The following PCLO variants were observed in gnomAD, a reference collection of about 807,000 sequenced individuals.
The protein encoded by PCLO is piccolo presynaptic cytomatrix protein, also known as protein piccolo.
A neutral mutation model predicts 427.5 loss-of-function variants in PCLO; 82 were observed. The ratio of observed to expected loss-of-function variants is 0.19; its 90% CI spans 0.16 to 0.23. PCLO has a LOEUF of 0.23. Among genes scored for constraint, PCLO ranks in the 10% least tolerant of loss-of-function variants. PCLO has a pLI of 1.00. For synonymous variants in PCLO, 2,357 were observed against 2,155.4 expected, an observed-to-expected ratio of 1.09 and a Z score of -2.59; for missense variants, 6,239 against 6,115.9, an observed-to-expected ratio of 1.02 and a Z score of -0.67.
intron 3 of PCLO, among the ~76,000 whole-genome samples, chr7:83,093,477 G>GATATATAT (rs766623004): frequency 4.8e-4 from 44 of 92,164 alleles, no homozygotes; most frequent in African/African-American, 1.8e-3. Context: ...TGTGTGTATA[G>GATATATAT]ATATATATAT....
chr7:83,022,408 G>A (rs1460473626), intron 3 of PCLO, among the ~76,000 whole-genome samples: 1 of 152,130 alleles, frequency 6.6e-6, no homozygotes, highest in Non-Finnish European at 1.5e-5. Flanking sequence ...CAAAAGTAAA[G>A]TGACTTAAGC....
intron 10 of PCLO, among the ~76,000 whole-genome samples, chr7:82,852,566 C>A (rs577821009): frequency 6.6e-6 from 1 of 152,036 alleles, no homozygotes; most frequent in Non-Finnish European, 1.5e-5. Context: ...GACTCTTGGG[C>A]CTTTGGGCAC....
intron 3 of PCLO, among the ~76,000 whole-genome samples, chr7:83,004,171 G>T (rs1249828702): frequency 6.6e-6 from 1 of 151,692 alleles, no homozygotes; most frequent in Non-Finnish European, 1.5e-5. Flanking sequence ...CCTAACATTT[G>T]TACGGAACCA....
chr7:82,814,524 TA>T (rs915744355), intron 20 of PCLO, among the ~76,000 whole-genome samples: 13 of 151,136 alleles, frequency 8.6e-5, no homozygotes, highest in African/African-American at 2.9e-4. Context: ...TTAATATACT[TA>T]AATGTTTAAG....
At chr7:83,132,895 T>A (rs983742674) in intron 3 of PCLO, among the ~76,000 whole-genome samples, 3 of 151,550 alleles carry the variant, frequency 2.0e-5, no homozygotes, top group African/African-American at 7.3e-5. Flanking sequence ...TCTAAAAGTG[T>A]TTTTTTTAAG....
chr7:83,095,211 G>GTTT (rs200062207), intron 3 of PCLO, among the ~76,000 whole-genome samples: 1 of 151,768 alleles, frequency 6.6e-6, no homozygotes, highest in African/African-American at 2.4e-5. Flanking sequence ...TTGAGGAATC[G>GTTT]TTTTTTTCTA....
chr7:82,834,417 A>C (rs1792174364), intron 16 of PCLO, among the ~76,000 whole-genome samples: 1 of 152,310 alleles, frequency 6.6e-6, no homozygotes, highest in Non-Finnish European at 1.5e-5. Context: ...GGAAACAAAA[A>C]GTTTCTGGGC....
intron 2 of PCLO, among the ~76,000 whole-genome samples, chr7:83,144,763 C>T (rs1007824356): frequency 7.6e-6 from 1 of 131,544 alleles, no homozygotes; most frequent in African/African-American, 2.8e-5. Flanking sequence ...AAGTTAAAAA[C>T]TTTAAATAAA....
Position 82,965,948 on chromosome 7 carries a change from C to T in PCLO, c.3840G>A (p.Val1280=). The T allele has an allele frequency of 6.2e-7, 1 of 1,613,910 alleles. No individual in the cohort carries two copies. The change falls in exon 4 of 25, where the codon GTG becomes GTA. Residue 1280 remains valine, a synonymous_variant. Coordinates refer to ENST00000333891, the MANE Select transcript of PCLO (RefSeq NM_033026.6). ...TCCCTTCTTGCACTGTCTTTGGAGCCACTCTGCCTTCAAGCTTTTCTTCAG... is the reference window on the plus strand; with the variant it reads ...TCCCTTCTTGCACTGTCTTTGGAGCTACTCTGCCTTCAAGCTTTTCTTCAG... ...QIAEEKLEGR[V]APKTVQEGKQ... is the part of the protein sequence containing the mutation.
chr7:82,916,373 T>C lies in PCLO; in HGVS notation c.11613A>G (p.Gln3871=). ...QTEFSQFIPP[Q]TQTESQLVPP... is the part of the protein sequence containing the mutation. ...GAACTAGTTGAGATTCTGTTTGGGT[T>C]TGTGGTGGTATAAACTGGCTGAATT... The change falls in exon 7 of 25, where the codon CAA becomes CAG. Residue 3871 remains glutamine, a synonymous_variant. Transcript: ENST00000333891. The C allele has an allele frequency of 1.2e-6, 2 of 1,613,620 alleles. No individual in the cohort carries two copies. Among genetic ancestry groups the C allele is most frequent in the Non-Finnish European group, 1.7e-6 (2 of 1,179,708 alleles).
intron 16 of PCLO, 78 bp downstream of exon 16, chr7:82,835,589 T>G: frequency 9.4e-7 from 1 of 1,063,510 alleles, no homozygotes; most frequent in Non-Finnish European, 1.4e-6. Context: ...GAAGTGCCAG[T>G]GAATGTACAT....
At chr7:82,836,712 T>TA (rs1211391837) in intron 15 of PCLO, among the ~76,000 whole-genome samples, 2 of 152,086 alleles carry the variant, frequency 1.3e-5, no homozygotes, top group African/African-American at 4.8e-5. Context: ...CCTGACAAGC[T>TA]AAAAATGATG....
intron 3 of PCLO, among the ~76,000 whole-genome samples, chr7:83,003,121 A>AT (rs1562912175): frequency 2.0e-5 from 3 of 151,270 alleles, no homozygotes; most frequent in African/African-American, 7.3e-5. Context: ...CCTATATTTT[A>AT]TATTTTATCT....
intron 20 of PCLO, among the ~76,000 whole-genome samples, chr7:82,815,932 C>T (rs1791669234): frequency 6.6e-6 from 1 of 152,080 alleles, no homozygotes; most frequent in African/African-American, 2.4e-5. Context: ...CATTCCTATT[C>T]ACACATCTAC....
At chr7:83,026,090 AT>A (rs1195045733) in intron 3 of PCLO, among the ~76,000 whole-genome samples, 1 of 152,136 alleles carries the variant, frequency 6.6e-6, no homozygotes, top group African/African-American at 2.4e-5. Context: ...ACAGGATCAA[AT>A]TCACACATAA....
At chr7:82,852,641 C>T (rs1049338468) in intron 10 of PCLO, among the ~76,000 whole-genome samples, 1 of 152,104 alleles carries the variant, frequency 6.6e-6, no homozygotes, top group African/African-American at 2.4e-5. Flanking sequence ...CCTTGCTCCT[C>T]AACTTGCAGA....
At position 83,155,289 on chromosome 7, in the gene PCLO, G is replaced by A; in HGVS notation, c.1352C>T (p.Ala451Val). Residue 451 changes from alanine (A) to valine (V), a missense_variant, in exon 2 of 25, where the codon GCT (alanine) becomes GTT (valine). By Grantham distance (64) the Ala-to-Val change is moderately conservative. Around this residue, in one of 5 missense-constraint regions of PCLO, gnomAD observed 4,677 missense variants for 4,468.4 expected, o/e 1.05. Coordinates refer to ENST00000333891, the MANE Select transcript of PCLO (RefSeq NM_033026.6). ...VQQPGPGKIP[A>V]QQAGPGKTSA... ...AGTCTTTCCGGGTCCTGCCTGTTGAGCTGGAATCTTTCCTGGCCCAGGCTG... is the reference window on the plus strand; with the variant it reads ...AGTCTTTCCGGGTCCTGCCTGTTGAACTGGAATCTTTCCTGGCCCAGGCTG... 4 of 1,613,974 alleles carry A rather than the reference G, an allele frequency of 2.5e-6. No individual in the cohort carries two copies. Among genetic ancestry groups the A allele is most frequent in the South Asian group, 2.2e-5 (2 of 91,072 alleles).
rs1453995513 is a variant in PCLO, at chr7:83,155,768, T to G, written c.873A>C (p.Gly291=). Residue 291 remains glycine (G), a synonymous_variant, in exon 2 of 25, where the codon GGA becomes GGC. Transcript: ENST00000333891. ...PQTKQADIVR[G]ESVKPSLPSP... is the part of the protein sequence containing the mutation. ...TTGGCAGTGAGGGTTTAACTGATTC[T>G]CCCCTTACTATGTCTGCCTGTTTAG... The G allele has an allele frequency of 1.2e-6, 2 of 1,613,934 alleles. No homozygotes were observed. The highest frequency in any genetic ancestry group is 3.3e-5 in the Admixed American group (2 of 60,020).
intron 6 of PCLO, among the ~76,000 whole-genome samples, chr7:82,928,038 G>A (rs1003043264): frequency 7.2e-5 from 11 of 152,056 alleles, no homozygotes; most frequent in African/African-American, 2.4e-4. Flanking sequence ...TCACATGCAT[G>A]GGCTAATTAT....
Sources: gnomAD v4.1 joint callset for allele counts (sites outside exome capture counted in the v4.1 genomes callset) on GRCh38, gnomAD v4.1.1 for gene constraint, gnomAD v4.1.1 regional missense constraint, MANE v1.5 for transcripts, NCBI Gene and HGNC (gene_info 2026-07-23, HGNC 2026-07-21) for gene names.